Variants in GALNTL6 observed in about 807,000 individuals in gnomAD.
The protein encoded by GALNTL6 is polypeptide N-acetylgalactosaminyltransferase-like 6.
Under a neutral mutation model 73.7 loss-of-function variants are expected in GALNTL6, and 46 were observed. That is an observed-to-expected ratio of 0.62 (90% CI 0.49 to 0.80). The LOEUF (loss-of-function observed/expected upper bound fraction) is 0.80, where lower values mean the gene tolerates loss of function less well. Ranked by LOEUF, GALNTL6 falls within the 30% of genes least tolerant of loss-of-function variation. The pLI is 0.00. For synonymous variants in GALNTL6, 259 were observed against 263.7 expected (o/e 0.98, Z 0.17); for missense variants, 604 against 755.0 (o/e 0.80, Z 2.34).
At chr4:172,472,017 G>T (rs570255307) in intron 5 of GALNTL6, among the ~76,000 whole-genome samples, 1 of 152,198 alleles carries the variant, frequency 6.6e-6, no homozygotes, top group South Asian at 2.1e-4. Flanking sequence ...ATTCAGGGCT[G>T]GTCCCTCTAA....
At chr4:171,945,239 A>T (rs1474708853) in intron 2 of GALNTL6, among the ~76,000 whole-genome samples, 1 of 152,130 alleles carries the variant, frequency 6.6e-6, no homozygotes, top group Non-Finnish European at 1.5e-5. Flanking sequence ...ATTGAAACAG[A>T]TGCTGGTAAT....
At chr4:172,824,388 GTGTGTGTT>G (rs758792956) in intron 7 of GALNTL6, among the ~76,000 whole-genome samples, 5,536 of 122,646 alleles carry the variant, frequency 0.045, 172 homozygotes, top group African/African-American at 0.14. Flanking sequence ...GTGTGTGTGT[GTGTGTGTT>G]TGTGTGTGTG....
intron 5 of GALNTL6, among the ~76,000 whole-genome samples, chr4:172,797,308 T>A (rs1740328264): frequency 6.6e-6 from 1 of 152,158 alleles, no homozygotes; most frequent in Admixed American, 6.5e-5. Flanking sequence ...GTTGGCGCTA[T>A]GGATATCGGC....
Position 172,383,037 on chromosome 4 carries a change from A to G in GALNTL6, c.553+34348A>G, listed in dbSNP as rs147173626. 2.0e-3 allele frequency among the ~76,000 whole-genome samples: 312 copies of G among 152,270 alleles called. 1 individual carries two copies. The highest frequency in any genetic ancestry group is 7.2e-3 in the African/African-American group (301 of 41,564). On this transcript the variant is annotated intron_variant, in intron 5 of 12. Coordinates refer to ENST00000506823, the MANE Select transcript of GALNTL6 (RefSeq NM_001034845.3). Reference sequence around the variant, plus strand: ...ACACACTGTATTATTATAGTTCTGTAATAAATCTCATTATCAGGAAGTATT... The same window carrying G: ...ACACACTGTATTATTATAGTTCTGTGATAAATCTCATTATCAGGAAGTATT...
intron 5 of GALNTL6, among the ~76,000 whole-genome samples, chr4:172,791,515 C>A (rs994177787): frequency 2.6e-5 from 4 of 152,090 alleles, no homozygotes; most frequent in Non-Finnish European, 5.9e-5. Flanking sequence ...ATCCTCCTTT[C>A]CTGGTTGAAA....
rs562097197 is a variant in GALNTL6, at chr4:172,411,851, A to C, written c.553+63162A>C. ...TTGCTTTATAGGCCCTGGGGATAAA[A>C]TAGCGAGAAAATCAGACAAAAATCC... On this transcript the variant is annotated intron_variant, in intron 5 of 12. Transcript: ENST00000506823. Among the ~76,000 whole-genome samples the C allele has an allele frequency of 5.9e-5, 9 of 152,264 alleles. No homozygotes were observed. In the South Asian group the frequency reaches 1.9e-3, roughly 32 times the overall value.
intron 2 of GALNTL6, among the ~76,000 whole-genome samples, chr4:171,836,776 A>G (rs996359084): frequency 6.6e-6 from 1 of 152,132 alleles, no homozygotes; most frequent in African/African-American, 2.4e-5. Context: ...GGTGATGGCT[A>G]TGATGGAAGA....
chr4:172,892,571 C>T (rs1746090896), intron 8 of GALNTL6, among the ~76,000 whole-genome samples: 1 of 150,982 alleles, frequency 6.6e-6, no homozygotes, highest in African/African-American at 2.4e-5. Context: ...CCTCTTGGAG[C>T]TTACTGTTGT....
intron 5 of GALNTL6, among the ~76,000 whole-genome samples, chr4:172,407,796 A>G (rs1366939650): frequency 6.6e-6 from 1 of 152,088 alleles, no homozygotes; most frequent in African/African-American, 2.4e-5. Flanking sequence ...GCCTCAATAA[A>G]GAGAAAATGG....
intron 2 of GALNTL6, among the ~76,000 whole-genome samples, chr4:172,069,568 C>A (rs1156478742): frequency 2.0e-4 from 7 of 35,164 alleles, no homozygotes; most frequent in Admixed American, 4.2e-4. Flanking sequence ...ATATATAACA[C>A]ATATATGTTA....
intron 2 of GALNTL6, among the ~76,000 whole-genome samples, chr4:172,085,412 G>T (rs999852179): frequency 6.6e-6 from 1 of 152,058 alleles, no homozygotes; most frequent in African/African-American, 2.4e-5. Context: ...TACATTACAG[G>T]CATGGTGGTT....
At chr4:172,404,998 A>G (rs899590253) in intron 5 of GALNTL6, among the ~76,000 whole-genome samples, 2 of 152,094 alleles carry the variant, frequency 1.3e-5, no homozygotes, top group African/African-American at 4.8e-5. Context: ...CCGGTCTCTC[A>G]GTTTCAGAAG....
chr4:172,692,690 C>T (rs199985813), intron 5 of GALNTL6, among the ~76,000 whole-genome samples: 1 of 152,234 alleles, frequency 6.6e-6, no homozygotes, highest in African/African-American at 2.4e-5. Flanking sequence ...AAGAAACTCC[C>T]TCCCTTACTA....
chr4:173,013,697 C>T (rs1301335166), intron 11 of GALNTL6, among the ~76,000 whole-genome samples: 1 of 151,972 alleles, frequency 6.6e-6, no homozygotes, highest in Non-Finnish European at 1.5e-5. Context: ...TAATACAGCT[C>T]TTTAAAAAGA....
intron 5 of GALNTL6, among the ~76,000 whole-genome samples, chr4:172,518,575 T>G (rs1734682408): frequency 6.6e-6 from 1 of 151,934 alleles, no homozygotes; most frequent in Non-Finnish European, 1.5e-5. Context: ...TTTAATTTAT[T>G]TTTGGAACAT....
intron 5 of GALNTL6, among the ~76,000 whole-genome samples, chr4:172,675,154 G>C (rs1477750050): frequency 6.7e-6 from 1 of 148,806 alleles, no homozygotes; most frequent in East Asian, 2.0e-4. Context: ...TTTTTCTTTT[G>C]TCCTATGATG....
chr4:171,891,953 T>A (rs1391127580), intron 2 of GALNTL6, among the ~76,000 whole-genome samples: 1 of 152,154 alleles, frequency 6.6e-6, no homozygotes, highest in Admixed American at 6.6e-5. Context: ...AATTCAAAAA[T>A]CCAAAATCTG....
chr4:172,521,603 G>C (rs1413451685), intron 5 of GALNTL6, among the ~76,000 whole-genome samples: 1 of 152,120 alleles, frequency 6.6e-6, no homozygotes, highest in Non-Finnish European at 1.5e-5. Flanking sequence ...AAGACAATAA[G>C]TAAGACATTT....
At chr4:172,727,197 C>T (rs1235765339) in intron 5 of GALNTL6, among the ~76,000 whole-genome samples, 1 of 151,998 alleles carries the variant, frequency 6.6e-6, no homozygotes, top group Non-Finnish European at 1.5e-5. Context: ...CCTTGTGTGC[C>T]CATAGAAAAA....
Sources: gnomAD v4.1 joint callset for allele counts (sites outside exome capture counted in the v4.1 genomes callset) on GRCh38, gnomAD v4.1.1 for gene constraint, MANE v1.5 for transcripts, NCBI Gene and HGNC (gene_info 2026-07-23, HGNC 2026-07-21) for gene names.